The following KIAA1549L variants were observed in gnomAD, a reference collection of about 807,000 sequenced individuals.
KIAA1549L encodes UPF0606 protein KIAA1549L.
In KIAA1549L, 88 loss-of-function variants were observed where a neutral mutation model predicts 160.7. The observed-to-expected ratio is 0.55, with a 90% CI of 0.46 to 0.65. The LOEUF (loss-of-function observed/expected upper bound fraction) is 0.65. Ranked by LOEUF, KIAA1549L falls within the 30% of genes least tolerant of loss-of-function variation. The probability of loss-of-function intolerance (pLI) is 0.00; values close to 1 mark genes in which losing one functional copy is unlikely to be tolerated. For synonymous variants in KIAA1549L, 950 were observed against 976.7 expected, an observed-to-expected ratio of 0.97 and a Z score of 0.51; for missense variants, 2,258 against 2,437.5, an observed-to-expected ratio of 0.93 and a Z score of 1.55.
intron 12 of KIAA1549L, among the ~76,000 whole-genome samples, chr11:33,595,671 A>G (rs1056078826): frequency 2.6e-5 from 4 of 152,218 alleles, no homozygotes; most frequent in Admixed American, 2.0e-4. Flanking sequence ...TCAAAACATC[A>G]AAGTCAAGAG....
rs764838293 is a variant in KIAA1549L, at chr11:33,656,144, T to C, written c.5858+35T>C. On this transcript the variant is annotated intron_variant, in intron 18 of 20. Coordinates refer to ENST00000658780, the MANE Select transcript of KIAA1549L (RefSeq NM_012194.3). ...TCCTTTCTTTGTTTTGTTTGGAATA[T>C]TTGGAAAAGGGTCAGTCCTATGTAC... The C allele has an allele frequency of 2.6e-6, 4 of 1,538,498 alleles. No homozygotes were observed. The South Asian group carries it at 4.6e-5, about 18-fold the overall frequency.
Position 33,500,543 on chromosome 11 carries a change from T to C in KIAA1549L, c.239-41259T>C, listed in dbSNP as rs1323023623. Among the ~76,000 whole-genome samples, 110 of 152,188 alleles carry C rather than the reference T, an allele frequency of 7.2e-4. 1 individual carries two copies. Among genetic ancestry groups the C allele is most frequent in the Non-Finnish European group, 7.3e-5 (5 of 68,042 alleles). ...TTAATCTGAACAACTGCATTCCTCA[T>C]AGTTTGAGTCATAAAGTGATGATAG... On this transcript the variant is annotated intron_variant, in intron 1 of 20. Coordinates refer to ENST00000658780, the MANE Select transcript of KIAA1549L (RefSeq NM_012194.3).
intron 1 of KIAA1549L, among the ~76,000 whole-genome samples, chr11:33,514,237 G>A (rs887946001): frequency 6.6e-6 from 1 of 152,178 alleles, no homozygotes; most frequent in East Asian, 1.9e-4. Context: ...TAAACTACAC[G>A]AAGAATAAAC....
chr11:33,479,468 A>G (rs985828285), intron 1 of KIAA1549L, among the ~76,000 whole-genome samples: 11 of 152,256 alleles, frequency 7.2e-5, no homozygotes, highest in African/African-American at 2.4e-4. Context: ...ATAAGGCAAC[A>G]GTGGGCAGGA....
intron 1 of KIAA1549L, among the ~76,000 whole-genome samples, chr11:33,438,847 G>GTT (rs35955927): frequency 1.6e-4 from 22 of 139,582 alleles, no homozygotes; most frequent in Admixed American, 4.3e-4. Flanking sequence ...GGATTTGAAG[G>GTT]TTTTTTTTTT....
At chr11:33,464,202 C>CATA (rs1202889157) in intron 1 of KIAA1549L, among the ~76,000 whole-genome samples, 7 of 152,152 alleles carry the variant, frequency 4.6e-5, no homozygotes, top group Admixed American at 3.9e-4. Context: ...TTCCAAAGAT[C>CATA]ATAATTTTTT....
chr11:33,459,206 A>G (rs1851890269), intron 1 of KIAA1549L, among the ~76,000 whole-genome samples: 1 of 152,206 alleles, frequency 6.6e-6, no homozygotes, highest in Non-Finnish European at 1.5e-5. Context: ...CATTTAGCCC[A>G]GACACTGCTG....
chr11:33,588,770 C>T (rs1412720245), intron 11 of KIAA1549L, among the ~76,000 whole-genome samples: 1 of 152,174 alleles, frequency 6.6e-6, no homozygotes, highest in Non-Finnish European at 1.5e-5. Context: ...AGTTCCAGGT[C>T]CTGGCCTCAG....
At chr11:33,401,749 C>T (rs1448893699) in intron 1 of KIAA1549L, among the ~76,000 whole-genome samples, 2 of 152,102 alleles carry the variant, frequency 1.3e-5, no homozygotes, top group Admixed American at 6.5e-5. Flanking sequence ...AGATGGGGGT[C>T]TTGCCTCTGC....
At chr11:33,628,099 G>A (rs1397517067) in intron 16 of KIAA1549L, among the ~76,000 whole-genome samples, 7 of 151,944 alleles carry the variant, frequency 4.6e-5, no homozygotes, top group Admixed American at 1.3e-4. Flanking sequence ...GTGGTTTTGA[G>A]TGAGATTCTT....
In KIAA1549L at chr11:33,543,382, G is replaced by A; in HGVS notation, c.1819G>A (p.Val607Ile). Residue 607 changes from valine (V) to isoleucine (I), a missense_variant, in exon 2 of 21, where the codon GTC becomes ATC. Physicochemically the swap from Val to Ile is conservative, Grantham distance 29. This residue lies in a region of KIAA1549L where 540 missense variants were observed against 465.7 expected (regional missense o/e 1.16). Transcript: ENST00000658780. ...TGTCTCTGATTTCAGCACCGGTAGTGTCTCATCTCCCATCATTACAGCACC... is the reference window on the plus strand; with the variant it reads ...TGTCTCTGATTTCAGCACCGGTAGTATCTCATCTCCCATCATTACAGCACC... The part of the protein sequence containing the change: ...GFVSDFSTGS[V>I]SSPIITAPRT... 1 of 1,614,016 alleles carries A rather than the reference G, an allele frequency of 6.2e-7. No individual in the cohort carries two copies. The highest frequency in any genetic ancestry group is 1.3e-5 in the African/African-American group (1 of 75,058).
intron 1 of KIAA1549L, among the ~76,000 whole-genome samples, chr11:33,389,043 A>G (rs1257148877): frequency 1.3e-5 from 2 of 152,254 alleles, no homozygotes; most frequent in South Asian, 2.1e-4. Flanking sequence ...AGATTTATAT[A>G]TGTTAAATCT....
At position 33,418,479 on chromosome 11, in the gene KIAA1549L, G is replaced by A. The variant is rs12271097; in HGVS notation, c.238+41590G>A. On this transcript the variant is annotated intron_variant, in intron 1 of 20. Transcript: ENST00000658780. ...TTAATCGCCTTTGGGGCTCTGCTGT[G>A]TCTGGGTCTGTGTGAAGCAGGTTCA... Among the ~76,000 whole-genome samples the A allele has an allele frequency of 6.6e-3, 1,011 of 152,288 alleles. 9 individuals are homozygous for A. Among genetic ancestry groups the A allele is most frequent in the African/African-American group, 0.023 (965 of 41,560 alleles).
chr11:33,659,419 T>C lies in KIAA1549L; in HGVS notation c.6007+521T>C, dbSNP rs547701754. Reference sequence around the variant, plus strand: ...TCTCCAGGTTGCTATACACATACTATATAGATCTAGTTCATTCATTTAAAC... The same window carrying C: ...TCTCCAGGTTGCTATACACATACTACATAGATCTAGTTCATTCATTTAAAC... On this transcript the variant is annotated intron_variant, in intron 19 of 20. Transcript: ENST00000658780. Among the ~76,000 whole-genome samples, 6 of 152,374 alleles carry C rather than the reference T, an allele frequency of 3.9e-5. No individual in the cohort carries two copies. In the South Asian group the frequency reaches 1.2e-3, roughly 32 times the overall value.
intron 1 of KIAA1549L, among the ~76,000 whole-genome samples, chr11:33,429,119 C>A (rs1166521574): frequency 2.6e-5 from 4 of 151,970 alleles, no homozygotes; most frequent in Non-Finnish European, 5.9e-5. Context: ...TTACAGGCAC[C>A]CACCACTACC....
chr11:33,546,350 C>G (rs529423476), intron 3 of KIAA1549L, among the ~76,000 whole-genome samples: 53 of 152,308 alleles, frequency 3.5e-4, no homozygotes, highest in African/African-American at 1.3e-3. Context: ...CTCCATTCCA[C>G]TCTCCTCTGG....
At chr11:33,436,034 GTATTA>G (rs1323066160) in intron 1 of KIAA1549L, among the ~76,000 whole-genome samples, 2 of 148,282 alleles carry the variant, frequency 1.3e-5, no homozygotes, top group African/African-American at 2.5e-5. Context: ...TATTTACATA[GTATTA>G]TATTGTATTA....
chr11:33,487,197 TA>T (rs1852546274), intron 1 of KIAA1549L, among the ~76,000 whole-genome samples: 4 of 152,164 alleles, frequency 2.6e-5, no homozygotes, highest in Admixed American at 2.0e-4. Context: ...AGGACAATCT[TA>T]TTTGAGAAGA....
chr11:33,515,658 G>A (rs543569856), intron 1 of KIAA1549L, among the ~76,000 whole-genome samples: 80 of 152,312 alleles, frequency 5.3e-4, no homozygotes, highest in African/African-American at 1.9e-3. Context: ...ACTGCAGCGT[G>A]GGATACAAGT....
Sources: gnomAD v4.1 joint callset for allele counts (sites outside exome capture counted in the v4.1 genomes callset) on GRCh38, gnomAD v4.1.1 for gene constraint, gnomAD v4.1.1 regional missense constraint, MANE v1.5 for transcripts, NCBI Gene and HGNC (gene_info 2026-07-23, HGNC 2026-07-21) for gene names.